RTL4: variants seen among roughly 807,000 people sequenced by gnomAD.
RTL4 encodes retrotransposon Gag-like protein 4.
In RTL4, 4 loss-of-function variants were observed where a neutral mutation model predicts 5.3. The ratio of observed to expected loss-of-function variants is 0.75; its 90% CI spans 0.37 to 1.72. The LOEUF is 1.72. RTL4 is among the 40% of genes most tolerant of loss of function. The probability of loss-of-function intolerance (pLI) is 0.04; values close to 1 mark genes in which losing one functional copy is unlikely to be tolerated. For synonymous variants in RTL4, 98 were observed against 87.3 expected, an observed-to-expected ratio of 1.12 and a Z score of -0.68; for missense variants, 260 against 227.1, an observed-to-expected ratio of 1.14 and a Z score of -0.93.
chrX:112,416,468 G>T, the RTL4 span, among the ~76,000 whole-genome samples: 1 of 112,132 alleles, frequency 8.9e-6, no homozygotes, highest in African/African-American at 3.2e-5. Flanking sequence ...ATACGCACCT[G>T]CAAGAACAGC....
At chrX:112,203,310 A>C in the RTL4 span, among the ~76,000 whole-genome samples, 1 of 111,609 alleles carries the variant, frequency 9.0e-6, no homozygotes, top group African/African-American at 3.3e-5. Flanking sequence ...TAGATGATTA[A>C]AGCTAAGACA....
the RTL4 span, among the ~76,000 whole-genome samples, chrX:112,383,886 A>T: frequency 0.19 from 20,796 of 110,998 alleles, 1,510 homozygotes; most frequent in Admixed American, 0.31. Flanking sequence ...TATTATGCTC[A>T]CTACCTGGGT....
chrX:112,207,442 C>A, the RTL4 span, among the ~76,000 whole-genome samples: 1 of 111,736 alleles, frequency 8.9e-6, no homozygotes, highest in East Asian at 2.8e-4. Context: ...AAAATGCTTA[C>A]CTTTGTTTCA....
chrX:112,224,899 C>T, the RTL4 span, among the ~76,000 whole-genome samples: 1 of 111,945 alleles, frequency 8.9e-6, no homozygotes, highest in South Asian at 3.7e-4. Context: ...CTCTCAGGAA[C>T]ACTTTTCTTT....
At chrX:112,096,863 A>G in the RTL4 span, among the ~76,000 whole-genome samples, 1 of 112,430 alleles carries the variant, frequency 8.9e-6, no homozygotes, top group Admixed American at 9.4e-5. Flanking sequence ...TGCCATCATG[A>G]CTTAACATTT....
At chrX:112,152,564 T>C in the RTL4 span, among the ~76,000 whole-genome samples, 9,041 of 111,134 alleles carry the variant, frequency 0.081, 908 homozygotes, top group African/African-American at 0.28. Context: ...CTTGACCTTT[T>C]CTCCTCTTCT....
chrX:112,175,631 CTTGA>C, the RTL4 span, among the ~76,000 whole-genome samples: 1 of 110,984 alleles, frequency 9.0e-6, no homozygotes, highest in Non-Finnish European at 1.9e-5. Context: ...TCATTGGTAG[CTTGA>C]TTATCTCAAT....
chrX:112,257,244 C>T, the RTL4 span, among the ~76,000 whole-genome samples: 1 of 111,012 alleles, frequency 9.0e-6, no homozygotes. Flanking sequence ...TTCTATTTGA[C>T]CTAATAATGT....
chrX:112,240,468 C>T, the RTL4 span, among the ~76,000 whole-genome samples: 1 of 111,473 alleles, frequency 9.0e-6, no homozygotes, highest in African/African-American at 3.3e-5. Flanking sequence ...AGAACTATTA[C>T]ATTAGCTTAC....
chrX:112,437,789 AGTGGTG>A, the RTL4 span, among the ~76,000 whole-genome samples: 2 of 72,491 alleles, frequency 2.8e-5, no homozygotes, highest in Non-Finnish European at 2.6e-5. Flanking sequence ...AAGTCATGGT[AGTGGTG>A]GTGGTGATGG....
At chrX:112,111,833 C>T in the RTL4 span, among the ~76,000 whole-genome samples, 16,518 of 111,276 alleles carry the variant, frequency 0.15, 1,780 homozygotes, top group African/African-American at 0.37. Context: ...TCCTCTCAGG[C>T]GGCATAAGTC....
chrX:112,445,734 C>T, the RTL4 span, among the ~76,000 whole-genome samples: 2 of 111,626 alleles, frequency 1.8e-5, no homozygotes, highest in African/African-American at 6.5e-5. Flanking sequence ...TATCCATGCT[C>T]AGTGAGGGCT....
At chrX:112,245,704 G>A in the RTL4 span, among the ~76,000 whole-genome samples, 596 of 112,122 alleles carry the variant, frequency 5.3e-3, 3 homozygotes, top group African/African-American at 0.018. Flanking sequence ...CTGTCAACTT[G>A]TCAAAGTCAT....
the RTL4 span, among the ~76,000 whole-genome samples, chrX:112,311,855 CT>C: frequency 2.5e-4 from 28 of 110,896 alleles, no homozygotes; most frequent in Non-Finnish European, 4.2e-4. Context: ...TCTATTCCCC[CT>C]GTTCAGAAAA....
At chrX:112,161,981 G>T in the RTL4 span, among the ~76,000 whole-genome samples, 143 of 108,188 alleles carry the variant, frequency 1.3e-3, no homozygotes, top group African/African-American at 4.6e-3. Flanking sequence ...AGAACTTCAC[G>T]CAATAATGCC....
chrX:112,091,973 T>G, the RTL4 span, among the ~76,000 whole-genome samples: 1 of 111,733 alleles, frequency 8.9e-6, no homozygotes, highest in Admixed American at 9.5e-5. Context: ...ATATATAACA[T>G]CTTTCTTTGT....
the RTL4 span, among the ~76,000 whole-genome samples, chrX:112,328,311 G>C: frequency 9.0e-6 from 1 of 110,641 alleles, no homozygotes; most frequent in Non-Finnish European, 1.9e-5. Flanking sequence ...CATGGAGGAA[G>C]ATCTGCCAAG....
At chrX:112,294,005 G>A in the RTL4 span, among the ~76,000 whole-genome samples, 3 of 111,878 alleles carry the variant, frequency 2.7e-5, no homozygotes, top group Non-Finnish European at 5.6e-5. Flanking sequence ...ATTTAAATAA[G>A]CTGTTCTTTA....
At chrX:112,326,607 C>T in the RTL4 span, among the ~76,000 whole-genome samples, 7 of 111,860 alleles carry the variant, frequency 6.3e-5, no homozygotes, top group East Asian at 5.7e-4. Flanking sequence ...CCAGGCTTGC[C>T]TAGGTAAACA....
Sources: gnomAD v4.1 joint callset for allele counts (sites outside exome capture counted in the v4.1 genomes callset) on GRCh38, gnomAD v4.1.1 for gene constraint, MANE v1.5 for transcripts, NCBI Gene and HGNC (gene_info 2026-07-23, HGNC 2026-07-21) for gene names.